Variants in FBXL18 observed in about 807,000 individuals in gnomAD.
FBXL18 encodes F-box and leucine rich repeat protein 18.
Under a neutral mutation model 46.0 loss-of-function variants are expected in FBXL18, and 36 were observed. The ratio of observed to expected loss-of-function variants is 0.78; its 90% CI spans 0.60 to 1.03. FBXL18 has a LOEUF of 1.03. Ranked by LOEUF, FBXL18 falls within the 50% of genes least tolerant of loss-of-function variation. The pLI, the probability that FBXL18 is intolerant of heterozygous loss-of-function variation, is 0.00. For missense variants in FBXL18, 977 were observed against 1,004.1 expected (o/e 0.97, Z 0.36); for synonymous variants, 557 against 465.3 (o/e 1.20, Z -2.54).
chr7:5,483,562 T>C (rs943692581), intron 4 of FBXL18, among the ~76,000 whole-genome samples: 2 of 151,826 alleles, frequency 1.3e-5, no homozygotes, highest in African/African-American at 2.4e-5. Context: ...CTGACCAACA[T>C]GGAGAAACCC....
At chr7:5,456,874 C>T (rs1330197677) in intron 4 of FBXL18, among the ~76,000 whole-genome samples, 1 of 152,194 alleles carries the variant, frequency 6.6e-6, no homozygotes, top group South Asian at 2.1e-4. Flanking sequence ...AGTGATTCTC[C>T]CACCTCAGCC....
At position 5,467,137 on chromosome 7, in the gene FBXL18, T is replaced by G. The variant is rs528072188; in HGVS notation, c.2001-19294A>C. ...GAGGCGAAGGCGGGCGGATCACGAGTTCAGGAGATCGAGACCATCCTGGCT... is the reference window on the plus strand; with the variant it reads ...GAGGCGAAGGCGGGCGGATCACGAGGTCAGGAGATCGAGACCATCCTGGCT... On this transcript the variant is annotated intron_variant and NMD_transcript_variant, in intron 4 of 6. Transcript: ENST00000415009. Among the ~76,000 whole-genome samples the G allele has an allele frequency of 2.2e-4, 34 of 151,988 alleles. 1 individual carries two copies. The highest frequency in any genetic ancestry group is 7.2e-4 in the African/African-American group (30 of 41,450).
intron 4 of FBXL18, among the ~76,000 whole-genome samples, chr7:5,460,848 C>G (rs1246912524): frequency 6.6e-6 from 1 of 152,232 alleles, no homozygotes; most frequent in Non-Finnish European, 1.5e-5. Context: ...CCTCTGCAGC[C>G]CCGAAACATT....
At chr7:5,463,814 C>T (rs1169710386) in intron 4 of FBXL18, among the ~76,000 whole-genome samples, 4 of 144,342 alleles carry the variant, frequency 2.8e-5, no homozygotes, top group African/African-American at 1.0e-4. Context: ...AGTCTCGGCT[C>T]ACTACAACCT....
chr7:5,467,547 A>C, intron 4 of FBXL18, among the ~76,000 whole-genome samples: 1 of 140,158 alleles, frequency 7.1e-6, no homozygotes, highest in Non-Finnish European at 1.6e-5. Flanking sequence ...CTCCGTCTCC[A>C]AAAAAAAAAA....
intron 4 of FBXL18, among the ~76,000 whole-genome samples, chr7:5,468,406 C>G (rs993650305): frequency 9.2e-5 from 14 of 152,172 alleles, no homozygotes; most frequent in Admixed American, 9.2e-4. Context: ...CGTGAGCCAC[C>G]ACGCCCAGCC....
At chr7:5,508,010 T>G (rs1784435239) in intron 1 of FBXL18, among the ~76,000 whole-genome samples, 1 of 152,044 alleles carries the variant, frequency 6.6e-6, no homozygotes, top group African/African-American at 2.4e-5. Context: ...GGCTCACGCC[T>G]GTAATCCCAG....
At chr7:5,509,523 T>C (rs1013667344) in intron 1 of FBXL18, among the ~76,000 whole-genome samples, 1 of 151,944 alleles carries the variant, frequency 6.6e-6, no homozygotes, top group Admixed American at 6.6e-5. Context: ...TGAAACCCCA[T>C]GTCTACTAAA....
intron 4 of FBXL18, among the ~76,000 whole-genome samples, chr7:5,482,862 T>C (rs2128234081): frequency 6.6e-6 from 1 of 151,216 alleles, no homozygotes; most frequent in Non-Finnish European, 1.5e-5. Flanking sequence ...ATAGGGAGAC[T>C]TTGTCTCTAT....
chr7:5,477,222 CA>C lies in FBXL18; in HGVS notation c.*4552del, dbSNP rs1253224934. On this transcript the variant is annotated 3_prime_UTR_variant, in exon 5 of 5. Coordinates refer to ENST00000382368, the MANE Select transcript of FBXL18 (RefSeq NM_024963.6). This position sits in a 1 kb window ranked among gnomAD's most constrained non-coding sequence, Gnocchi z 4.4. ...ACTTCTAACTTGAATCCCACACCCC[CA>C]AGTGCAAATGAGACCCATGACCATC... Among the ~76,000 whole-genome samples the C allele has an allele frequency of 6.6e-6, 1 of 152,120 alleles. No individual in the cohort carries two copies. Among genetic ancestry groups the C allele is most frequent in the Non-Finnish European group, 1.5e-5 (1 of 68,010 alleles).
In FBXL18 at chr7:5,476,492, G is replaced by A. The variant is rs1215754127; in HGVS notation, c.*5283C>T. ...TTTGTTGTTTGTTTTCTGAGACAGG[G>A]TATTGCTCCGTGGCCCAGAGTGGAG... On this transcript the variant is annotated 3_prime_UTR_variant, in exon 5 of 5. Coordinates refer to ENST00000382368, the MANE Select transcript of FBXL18 (RefSeq NM_024963.6). 6.6e-6 allele frequency: 1 copy of A among 152,168 alleles called. No homozygotes were observed. The highest frequency in any genetic ancestry group is 1.5e-5 in the Non-Finnish European group (1 of 68,084). 9.4% of individuals were successfully genotyped at this position (152,168 alleles called of 1,614,324 possible).
intron 4 of FBXL18, among the ~76,000 whole-genome samples, chr7:5,459,523 G>A (rs925496535): frequency 2.6e-5 from 4 of 151,964 alleles, no homozygotes; most frequent in African/African-American, 9.7e-5. Flanking sequence ...GGTGGAACAC[G>A]AGGTCAGGAG....
chr7:5,493,441 G>T (rs552857738), intron 3 of FBXL18, among the ~76,000 whole-genome samples: 3 of 151,978 alleles, frequency 2.0e-5, no homozygotes, highest in Admixed American at 6.6e-5. Context: ...GACTACAGGC[G>T]CCTGCCACCG....
intron 3 of FBXL18, among the ~76,000 whole-genome samples, chr7:5,493,436 C>G (rs574475056): frequency 6.6e-6 from 1 of 151,178 alleles, no homozygotes; most frequent in East Asian, 2.0e-4. Flanking sequence ...GCTGGGACTA[C>G]AGGCGCCTGC....
At chr7:5,492,405 A>G (rs1436851437) in intron 3 of FBXL18, among the ~76,000 whole-genome samples, 3 of 151,438 alleles carry the variant, frequency 2.0e-5, no homozygotes, top group African/African-American at 7.3e-5. Flanking sequence ...GATAAGAATC[A>G]AGAGGGAGCA....
At chr7:5,469,281 G>A (rs183608229) in intron 4 of FBXL18, among the ~76,000 whole-genome samples, 32 of 152,250 alleles carry the variant, frequency 2.1e-4, no homozygotes, top group Admixed American at 1.6e-3. Flanking sequence ...GCATGGTGGC[G>A]TGCACCTGTA....
chr7:5,501,108 G>T lies in FBXL18; in HGVS notation c.1161C>A (p.His387Gln). Residue 387 changes from histidine (H) to glutamine (Q), a missense_variant, in exon 3 of 5, where the codon CAC becomes CAA. Physicochemically the swap from His to Gln is conservative, Grantham distance 24. Coordinates refer to ENST00000382368, the MANE Select transcript of FBXL18 (RefSeq NM_024963.6). ...GGTGGTGGGCGGCCGAGAGGTTCAG[G>T]TGGCGCAGGTTGCAGCAGGACGCCA... is the stretch of plus-strand genomic sequence containing the variant. ...TLVASCCNLR[H>Q]LNLSAAHHHS... The T allele has an allele frequency of 6.2e-7, 1 of 1,612,864 alleles. No individual in the cohort carries two copies. The highest frequency in any genetic ancestry group is 1.7e-5 in the Admixed American group (1 of 60,014).
intron 3 of FBXL18, among the ~76,000 whole-genome samples, chr7:5,497,294 A>G (rs1784107423): frequency 6.6e-6 from 1 of 152,004 alleles, no homozygotes; most frequent in African/African-American, 2.4e-5. Flanking sequence ...TCTGGTTCTC[A>G]AAGCAGTCGC....
intron 4 of FBXL18, among the ~76,000 whole-genome samples, chr7:5,454,931 G>A (rs1233440532): frequency 1.3e-5 from 2 of 152,182 alleles, no homozygotes; most frequent in Non-Finnish European, 1.5e-5. Context: ...TCTATCTCTC[G>A]AATCCTAAAG....
Sources: gnomAD v4.1 joint callset for allele counts (sites outside exome capture counted in the v4.1 genomes callset) on GRCh38, gnomAD v4.1.1 for gene constraint, Gnocchi (gnomAD v3.1) non-coding constraint, MANE v1.5 for transcripts, NCBI Gene and HGNC (gene_info 2026-07-23, HGNC 2026-07-21) for gene names.